Variants in LRRC36 observed in about 807,000 individuals in gnomAD.
LRRC36 encodes leucine-rich repeat-containing protein 36.
In LRRC36, 62 loss-of-function variants were observed where a neutral mutation model predicts 81.1. The observed-to-expected ratio is 0.76, with a 90% confidence interval of 0.62 to 0.94. The LOEUF is 0.94. LRRC36 is among the 40% of genes least tolerant of loss of function. LRRC36 has a pLI of 0.00. For missense variants in LRRC36, 761 were observed against 881.7 expected (o/e 0.86, Z 1.73); for synonymous variants, 334 against 348.6 (o/e 0.96, Z 0.47).
At chr16:67,335,323 C>T (rs1471817514) in intron 1 of LRRC36, among the ~76,000 whole-genome samples, 12 of 152,282 alleles carry the variant, frequency 7.9e-5, no homozygotes, top group East Asian at 3.9e-4. Context: ...AAGAATTCAG[C>T]GATATTTCTC....
intron 3 of LRRC36, chr16:67,347,293 G>C: frequency 1.1e-6 from 1 of 887,570 alleles, no homozygotes; most frequent in South Asian, 1.7e-5. Context: ...GTGAGGCAGT[G>C]GTCGCTATGG....
Position 67,369,766 on chromosome 16 carries a change from C to T in LRRC36, c.1196-1178C>T, listed in dbSNP as rs2039554551. 5.3e-5 allele frequency among the ~76,000 whole-genome samples: 8 copies of T among 152,072 alleles called. No individual in the cohort carries two copies. In the South Asian group the frequency reaches 1.7e-3, roughly 32 times the overall value. ...GTAGGGGAACTCCCCTTTATAAAAC[C>T]ATCAGATCTCGTGAGACTTACTATC... On this transcript the variant is annotated intron_variant, in intron 8 of 13. Coordinates refer to ENST00000329956, the MANE Select transcript of LRRC36 (RefSeq NM_018296.6).
At chr16:67,376,356 C>A (rs554039249) in intron 10 of LRRC36, among the ~76,000 whole-genome samples, 32 of 151,994 alleles carry the variant, frequency 2.1e-4, no homozygotes, top group Non-Finnish European at 4.6e-4. Flanking sequence ...GAAACTTAAA[C>A]GTTGTTTGGG....
At chr16:67,350,987 G>A (rs146952984) in intron 5 of LRRC36, among the ~76,000 whole-genome samples, 12,366 of 152,140 alleles carry the variant, frequency 0.081, 787 homozygotes, top group African/African-American at 0.18. Flanking sequence ...GTGGTGAGCC[G>A]AGATCACGCC....
chr16:67,370,945 T>G lies in LRRC36; in HGVS notation c.1197T>G (p.Asp399Glu), dbSNP rs1355361260. The G allele has an allele frequency of 6.2e-7, 1 of 1,611,508 alleles. No homozygotes were observed. Among genetic ancestry groups the G allele is most frequent in the Non-Finnish European group, 8.5e-7 (1 of 1,177,882 alleles). Reference sequence around the variant, plus strand: ...TCTGTTAGCCTGTTTCCTCCACAGATCTGTATGCCACAACCCATTTCAACA... The same window carrying G: ...TCTGTTAGCCTGTTTCCTCCACAGAGCTGTATGCCACAACCCATTTCAACA... ...STGRLLKLSS[D>E]LYATTHFNSD... Residue 399 changes from aspartate (D) to glutamate (E), a missense_variant and splice_region_variant, in exon 9 of 14, where the codon GAT (aspartate) becomes GAG (glutamate). By Grantham distance (45) the Asp-to-Glu change is conservative. Transcript: ENST00000329956.
intron 9 of LRRC36, chr16:67,372,076 G>T (rs1337108918): frequency 6.6e-6 from 1 of 152,016 alleles, no homozygotes; most frequent in Admixed American, 6.6e-5. Context: ...ATATCCTAGT[G>T]GCCAGGCACG....
At chr16:67,374,818 G>A (rs2039815783) in intron 9 of LRRC36, among the ~76,000 whole-genome samples, 1 of 151,854 alleles carries the variant, frequency 6.6e-6, no homozygotes, top group Admixed American at 6.6e-5. Flanking sequence ...ACTGAAAGAT[G>A]AAATCATCTT....
intron 5 of LRRC36, chr16:67,362,073 C>CT (rs1285362811): frequency 4.6e-5 from 16 of 345,406 alleles, no homozygotes; most frequent in Non-Finnish European, 6.3e-5. Context: ...TCTATTAAAA[C>CT]TTTTTTTTAA....
chr16:67,358,804 C>T (rs1014019892), intron 5 of LRRC36, among the ~76,000 whole-genome samples: 1 of 152,068 alleles, frequency 6.6e-6, no homozygotes, highest in Admixed American at 6.6e-5. Flanking sequence ...CATCACTATT[C>T]ATCTGGGAAA....
chr16:67,381,623 T>A (rs983107283), intron 12 of LRRC36, among the ~76,000 whole-genome samples: 4 of 150,704 alleles, frequency 2.7e-5, no homozygotes, highest in Admixed American at 6.6e-5. Context: ...TGTGCAATAT[T>A]TTTTTTTTTG....
chr16:67,357,802 G>T (rs1349486989), intron 5 of LRRC36, among the ~76,000 whole-genome samples: 3 of 152,218 alleles, frequency 2.0e-5, no homozygotes, highest in Non-Finnish European at 4.4e-5. Flanking sequence ...ATTGCAGGGT[G>T]TTTGTACAAA....
Position 67,382,079 on chromosome 16 carries a change from C to T in LRRC36, c.1931-54C>T, listed in dbSNP as rs1292864783. 6 of 1,240,470 alleles carry T rather than the reference C, an allele frequency of 4.8e-6. No homozygotes were observed. In the African/African-American group the frequency reaches 9.0e-5, roughly 19 times the overall value. The allele number at this position is 1,240,470 out of a possible 1,614,324, so 76.8% of individuals were successfully genotyped here. ...TCCATCTGAATACTTATATTCTGCT[C>T]AAAGACTAGCAGCTTGGAATCCTTT... On this transcript the variant is annotated intron_variant, in intron 12 of 13. Coordinates refer to ENST00000329956, the MANE Select transcript of LRRC36 (RefSeq NM_018296.6).
intron 1 of LRRC36, 60 bp downstream of exon 1, chr16:67,326,992 A>T (rs963059560): frequency 1.4e-6 from 2 of 1,433,816 alleles, no homozygotes; most frequent in Admixed American, 6.1e-5. Flanking sequence ...GTGGAAAGAA[A>T]ACTGAAGTGG....
intron 9 of LRRC36, among the ~76,000 whole-genome samples, chr16:67,374,689 C>T (rs1221033509): frequency 6.6e-6 from 1 of 151,990 alleles, no homozygotes; most frequent in Non-Finnish European, 1.5e-5. Flanking sequence ...AGCCACCGGG[C>T]CTGGCCTGAA....
At chr16:67,358,778 C>A (rs1258533082) in intron 5 of LRRC36, among the ~76,000 whole-genome samples, 1 of 152,044 alleles carries the variant, frequency 6.6e-6, no homozygotes, top group Non-Finnish European at 1.5e-5. Flanking sequence ...GCCAAAAGCA[C>A]ATGAAAGATG....
At chr16:67,355,270 C>T (rs1008708641) in intron 5 of LRRC36, among the ~76,000 whole-genome samples, 3 of 148,470 alleles carry the variant, frequency 2.0e-5, no homozygotes, top group Non-Finnish European at 4.5e-5. Flanking sequence ...CATTTGAGTA[C>T]TTACCAAAGA....
chr16:67,335,575 A>G (rs1234197454), intron 1 of LRRC36, among the ~76,000 whole-genome samples: 1 of 152,214 alleles, frequency 6.6e-6, no homozygotes, highest in Non-Finnish European at 1.5e-5. Context: ...TGACGGAATT[A>G]AGAGATTAAA....
At chr16:67,341,311 C>CTATA in intron 1 of LRRC36, among the ~76,000 whole-genome samples, 4 of 144,498 alleles carry the variant, frequency 2.8e-5, no homozygotes, top group African/African-American at 1.0e-4. Context: ...AGACTATAGA[C>CTATA]TATAGACTAT....
chr16:67,383,071 CAAAAAAA>C (rs59297593), intron 13 of LRRC36, among the ~76,000 whole-genome samples: 8 of 44,366 alleles, frequency 1.8e-4, no homozygotes, highest in Admixed American at 5.7e-4. Context: ...GGCTCCGTCT[CAAAAAAA>C]AAAAAAAAAA....
Sources: gnomAD v4.1 joint callset for allele counts (sites outside exome capture counted in the v4.1 genomes callset) on GRCh38, gnomAD v4.1.1 for gene constraint, MANE v1.5 for transcripts, NCBI Gene and HGNC (gene_info 2026-07-23, HGNC 2026-07-21) for gene names.